Variants in RAET1L observed in about 807,000 individuals in gnomAD.
RAET1L encodes UL16-binding protein 6.
RAET1L carries 16 observed loss-of-function variants against 23.9 expected under a neutral mutation model. The ratio of observed to expected loss-of-function variants is 0.67; its 90% CI spans 0.45 to 1.02. RAET1L has a LOEUF of 1.02. Ranked by LOEUF, RAET1L falls within the 50% of genes least tolerant of loss-of-function variation. RAET1L has a pLI of 0.00. For missense variants in RAET1L, 233 were observed against 304.0 expected (o/e 0.77, Z 1.74); for synonymous variants, 70 against 111.2 (o/e 0.63, Z 2.33).
At chr6:150,025,353 C>T in intron 1 of RAET1L, 34 bp downstream of exon 1, 2 of 1,593,106 alleles carry the variant, frequency 1.3e-6, no homozygotes, top group Non-Finnish European at 1.7e-6. Flanking sequence ...CAGGTTTGGC[C>T]CCCGCCCCGC....
intron 2 of RAET1L, 24 bp from the exon 3 acceptor site, chr6:150,021,210 G>T: frequency 6.3e-7 from 1 of 1,593,504 alleles, no homozygotes; most frequent in Non-Finnish European, 8.6e-7. Flanking sequence ...AGAGAGATCA[G>T]CTCTGATCTT....
intron 1 of RAET1L, among the ~76,000 whole-genome samples, chr6:150,024,758 TG>T (rs1450397346): frequency 1.3e-5 from 2 of 151,558 alleles, no homozygotes; most frequent in Non-Finnish European, 2.9e-5. Flanking sequence ...CCTTCATGGA[TG>T]GGGAGACCTC....
chr6:150,024,728 T>C (rs1779927060), intron 1 of RAET1L, among the ~76,000 whole-genome samples: 1 of 151,756 alleles, frequency 6.6e-6, no homozygotes, highest in Non-Finnish European at 1.5e-5. Flanking sequence ...TGCGACGTGG[T>C]GTAGGAGGTG....
At chr6:150,019,569 TAC>T (rs1779862025) in intron 4 of RAET1L, among the ~76,000 whole-genome samples, 13 of 134,426 alleles carry the variant, frequency 9.7e-5, no homozygotes, top group South Asian at 2.5e-4. Context: ...ACCTTCCACC[TAC>T]TTTCTGTGGG....
rs759215682 is a variant in RAET1L, at chr6:150,021,035, C to T, written c.501G>A (p.Lys167=). 6.2e-7 allele frequency: 1 copy of T among 1,614,182 alleles called. No individual in the cohort carries two copies. The highest frequency in any genetic ancestry group is 8.5e-7 in the Non-Finnish European group (1 of 1,180,044). The change falls in exon 3 of 5, where the codon AAG becomes AAA. Residue 167 remains lysine (K), a synonymous_variant. Coordinates refer to ENST00000367341, the MANE Select transcript of RAET1L (RefSeq NM_130900.3). Reference sequence around the variant, plus strand: ...TGTCATTCTCCCACTTTTCTTTCATCTTTCTGGCTCCAGGATGAACCGTTG... The same window carrying T: ...TGTCATTCTCCCACTTTTCTTTCATTTTTCTGGCTCCAGGATGAACCGTTG... The part of the protein sequence containing the change: ...MWTTVHPGAR[K]MKEKWENDKD...
chr6:150,025,412 G>C lies in RAET1L; in HGVS notation c.60C>G (p.Phe20Leu), dbSNP rs937810961. 3.1e-6 allele frequency: 5 copies of C among 1,613,836 alleles called. No homozygotes were observed. The highest frequency in any genetic ancestry group is 2.7e-5 in the African/African-American group (2 of 74,942). ...CGTCTCGCCTAGCCCGGGACCAGCC[G>C]AACAGCAGGAACAGAAGCGGGAGGC... is the stretch of plus-strand genomic sequence containing the variant. Reference protein sequence around the residue: ...LLCLPLLFLLFGWSRARRDDP... With the variant: ...LLCLPLLFLLLGWSRARRDDP... Residue 20 changes from phenylalanine (F) to leucine (L), a missense_variant, in exon 1 of 5, where the codon TTC becomes TTG. Physicochemically the swap from Phe to Leu is conservative, Grantham distance 22. Around this residue, in one of 4 missense-constraint regions of RAET1L, gnomAD observed 42 missense variants for 35.0 expected, o/e 1.20. Transcript: ENST00000367341.
intron 1 of RAET1L, among the ~76,000 whole-genome samples, chr6:150,024,141 C>G (rs1398611302): frequency 6.6e-6 from 1 of 151,896 alleles, no homozygotes; most frequent in Non-Finnish European, 1.5e-5. Flanking sequence ...CCTGATGGTC[C>G]CCATGGATGC....
Position 150,020,983 on chromosome 6 carries a change from T to A in RAET1L, c.553A>T (p.Ile185Phe), listed in dbSNP as rs201121679. ...DKDVAMSFHY[I>F]SMGDCIGWLE... ...CATCCTATGCAGTCTCCCATTGAGA[T>A]GTAATGGAAGGACATGGCCACATCC... is the stretch of plus-strand genomic sequence containing the variant. The change falls in exon 3 of 5, where the codon ATC (isoleucine) becomes TTC (phenylalanine). Residue 185 changes from isoleucine to phenylalanine, a missense_variant. Physicochemically the swap from Ile to Phe is conservative, Grantham distance 21 (BLOSUM62 0). Transcript: ENST00000367341. The A allele has an allele frequency of 8.3e-4, 1,345 of 1,614,142 alleles. 25 individuals carry two copies. The South Asian group carries it at 0.013, about 15-fold the overall frequency.
chr6:150,023,601 A>G (rs1018935018), intron 1 of RAET1L, among the ~76,000 whole-genome samples: 1 of 152,210 alleles, frequency 6.6e-6, no homozygotes, highest in African/African-American at 2.4e-5. Context: ...GTTGAAGCTC[A>G]AAAGCAGCCA....
At chr6:150,019,781 C>CCACA (rs902636294) in intron 4 of RAET1L, among the ~76,000 whole-genome samples, 1 of 129,762 alleles carries the variant, frequency 7.7e-6, no homozygotes, top group Non-Finnish European at 1.7e-5. Context: ...TGCCTGCAGG[C>CCACA]CACACACCCT....
At chr6:150,021,442 G>A (rs1052142284) in intron 2 of RAET1L, among the ~76,000 whole-genome samples, 1 of 135,064 alleles carries the variant, frequency 7.4e-6, no homozygotes, top group Admixed American at 7.4e-5. Context: ...TAGGACTACA[G>A]GCGCCCGCCA....
chr6:150,022,003 T>C lies in RAET1L; in HGVS notation c.326A>G (p.Gln109Arg), dbSNP rs750995376. 5.3e-6 allele frequency: 8 copies of C among 1,509,534 alleles called. No individual in the cohort carries two copies. The African/African-American group carries it at 5.6e-5, about 10-fold the overall frequency. The allele number at this position is 1,509,534 out of a possible 1,614,324, so 93.5% of individuals were successfully genotyped here. A position where few individuals can be genotyped will look rare whatever the true frequency, so the allele number is the denominator to read the frequency against. ...ACCCTTGGGTGTGTAATTCTCCAGC[T>C]GAATGTCAAGCAGTTGCTCTGTAAG... ...DILTEQLLDI[Q>R]LENYTPKEPL... Residue 109 changes from glutamine to arginine, a missense_variant, in exon 2 of 5, where the codon CAG (glutamine) becomes CGG (arginine). Around this residue, in one of 4 missense-constraint regions of RAET1L, gnomAD observed 44 missense variants for 107.4 expected, o/e 0.41. Transcript: ENST00000367341.
At position 150,025,390 on chromosome 6, in the gene RAET1L, C is replaced by T; in HGVS notation, c.82G>A (p.Asp28Asn). The stretch of plus-strand genomic sequence containing the variant: ...TAGGCTCCATCCACCAGCTCACCGT[C>T]TCGCCTAGCCCGGGACCAGCCGAAC... Reference protein sequence around the residue: ...LLFGWSRARRDDPHSLCYDIT... With the variant: ...LLFGWSRARRNDPHSLCYDIT... Residue 28 changes from aspartate (D) to asparagine (N), a missense_variant, in exon 1 of 5, where the codon GAC becomes AAC. This residue lies in a region of RAET1L where 42 missense variants were observed against 35.0 expected (regional missense o/e 1.20). Coordinates refer to ENST00000367341, the MANE Select transcript of RAET1L (RefSeq NM_130900.3). The T allele has an allele frequency of 6.2e-7, 1 of 1,613,580 alleles. No individual in the cohort carries two copies. The highest frequency in any genetic ancestry group is 8.5e-7 in the Non-Finnish European group (1 of 1,179,596).
At chr6:150,023,770 A>C (rs900504845) in intron 1 of RAET1L, among the ~76,000 whole-genome samples, 7 of 152,176 alleles carry the variant, frequency 4.6e-5, no homozygotes, top group Non-Finnish European at 8.8e-5. Context: ...AATGCCACTC[A>C]CAGCAAGGAA....
Position 150,022,109 on chromosome 6 carries a change from C to T in RAET1L, c.220G>A (p.Val74Ile), listed in dbSNP as rs77989700. The T allele has an allele frequency of 7.2e-4, 1,157 of 1,600,090 alleles. No individual in the cohort carries two copies. Among genetic ancestry groups the T allele is most frequent in the African/African-American group, 2.5e-3 (178 of 70,036 alleles). The change falls in exon 2 of 5, where the codon GTC becomes ATC. Residue 74 changes from valine to isoleucine, a missense_variant. This residue lies in a region of RAET1L where 44 missense variants were observed against 107.4 expected (regional missense o/e 0.41). Coordinates refer to ENST00000367341, the MANE Select transcript of RAET1L (RefSeq NM_130900.3). ...YDCGNKTVTP[V>I]SPLGKKLNVT... ...TTTAGTTTCTTCCCCAGGGGACTGA[C>T]GGGTGTGACTGTCTTGTTGCCACAG...
chr6:150,018,935 C>T, intron 4 of RAET1L, 80 bp from the exon 5 acceptor site: 2 of 264,812 alleles, frequency 7.6e-6, no homozygotes, highest in Non-Finnish European at 1.5e-5. Flanking sequence ...CCTAGTCACT[C>T]TATGTCTCAG....
Position 150,025,422 on chromosome 6 carries a change from A to AACAGAAGCGGGAGGC in RAET1L, c.35_49dup (p.Cys12_Leu16dup). ...AGCCCGGGACCAGCCGAACAGCAGG[A>AACAGAAGCGGGAGGC]ACAGAAGCGGGAGGCACAGAAGCAA... On this transcript the variant is annotated inframe_insertion, in exon 1 of 5. Coordinates refer to ENST00000367341, the MANE Select transcript of RAET1L (RefSeq NM_130900.3). The AACAGAAGCGGGAGGC allele has an allele frequency of 6.2e-7, 1 of 1,614,074 alleles. No individual in the cohort carries two copies. Among genetic ancestry groups the AACAGAAGCGGGAGGC allele is most frequent in the Non-Finnish European group, 8.5e-7 (1 of 1,179,924 alleles).
chr6:150,023,959 C>T (rs1290067303), intron 1 of RAET1L, among the ~76,000 whole-genome samples: 2 of 152,124 alleles, frequency 1.3e-5, no homozygotes, highest in African/African-American at 4.8e-5. Flanking sequence ...CCCTCTAGGT[C>T]ATTAGGAAGA....
chr6:150,023,611 A>G (rs1779912194), intron 1 of RAET1L, among the ~76,000 whole-genome samples: 2 of 152,358 alleles, frequency 1.3e-5, no homozygotes, highest in South Asian at 2.1e-4. Context: ...AAAAGCAGCC[A>G]TAGACAATCC....
Sources: gnomAD v4.1 joint callset for allele counts (sites outside exome capture counted in the v4.1 genomes callset) on GRCh38, gnomAD v4.1.1 for gene constraint, gnomAD v4.1.1 regional missense constraint, MANE v1.5 for transcripts, NCBI Gene and HGNC (gene_info 2026-07-23, HGNC 2026-07-21) for gene names.